Variants in DPP10 observed in about 807,000 individuals in gnomAD.
The protein encoded by DPP10 is inactive dipeptidyl peptidase 10.
Under a neutral mutation model 120.9 loss-of-function variants are expected in DPP10, and 33 were observed. The observed-to-expected ratio is 0.27, with a 90% CI of 0.21 to 0.37. DPP10 has a LOEUF of 0.37. Ranked by LOEUF, DPP10 falls within the 10% of genes least tolerant of loss-of-function variation. The pLI is 1.00. For synonymous variants in DPP10, 337 were observed against 326.1 expected (o/e 1.03, Z -0.36); for missense variants, 816 against 942.8 (o/e 0.87, Z 1.76).
intron 1 of DPP10, among the ~76,000 whole-genome samples, chr2:114,474,489 G>A (rs1225739942): frequency 6.6e-6 from 1 of 152,126 alleles, no homozygotes. Flanking sequence ...GGATATGTTG[G>A]TGTATACCTA....
intron 1 of DPP10, among the ~76,000 whole-genome samples, chr2:114,887,044 A>G (rs1340620743): frequency 6.6e-6 from 1 of 152,044 alleles, no homozygotes; most frequent in Non-Finnish European, 1.5e-5. Context: ...AACTCTCTCC[A>G]TCTAATTTTG....
intron 1 of DPP10, among the ~76,000 whole-genome samples, chr2:115,192,502 A>G (rs1573959457): frequency 1.3e-5 from 2 of 152,226 alleles, no homozygotes; most frequent in South Asian, 4.1e-4. Context: ...CAGTTGGAAC[A>G]AGATTTACCT....
intron 1 of DPP10, among the ~76,000 whole-genome samples, chr2:114,507,819 GAATTA>G (rs1174767261): frequency 1.3e-5 from 2 of 152,074 alleles, no homozygotes; most frequent in Admixed American, 6.5e-5. Context: ...GTTGCTATAA[GAATTA>G]AATTCAATAA....
intron 19 of DPP10, among the ~76,000 whole-genome samples, chr2:115,794,192 A>T (rs6747648): frequency 0.014 from 2,084 of 152,248 alleles, 51 homozygotes; most frequent in African/African-American, 0.045. Context: ...ACTTTATTGC[A>T]ATTTTGTGCC....
chr2:115,496,819 G>T (rs1312758249), intron 3 of DPP10, among the ~76,000 whole-genome samples: 1 of 152,122 alleles, frequency 6.6e-6, no homozygotes, highest in African/African-American at 2.4e-5. Context: ...CCATGTGGGA[G>T]AACTGGAGTT....
At chr2:115,165,033 T>A (rs1447554848) in intron 1 of DPP10, among the ~76,000 whole-genome samples, 1 of 152,262 alleles carries the variant, frequency 6.6e-6, no homozygotes, top group Non-Finnish European at 1.5e-5. Flanking sequence ...ACAAATGCCT[T>A]GACATGACTA....
intron 1 of DPP10, among the ~76,000 whole-genome samples, chr2:114,517,691 A>T (rs1318254133): frequency 6.6e-6 from 1 of 152,236 alleles, no homozygotes; most frequent in African/African-American, 2.4e-5. Flanking sequence ...GCTATTTTTA[A>T]TCTGCAAATT....
chr2:115,519,290 G>A (rs1334605940), intron 4 of DPP10, among the ~76,000 whole-genome samples: 1 of 152,050 alleles, frequency 6.6e-6, no homozygotes, highest in Non-Finnish European at 1.5e-5. Flanking sequence ...AAATATATGT[G>A]TGTCAGTCTA....
In DPP10 at chr2:115,820,431, C is replaced by CT. The variant is rs981405979; in HGVS notation, c.1950+4714dup. ...TTGTTTAGTGAATTGATTTTTTTTTCTTTTTTTTTTTTATTTCAACAGAGG... is the reference window on the plus strand; with the variant it reads ...TTGTTTAGTGAATTGATTTTTTTTTCTTTTTTTTTTTTTATTTCAACAGAGG... On this transcript the variant is annotated intron_variant, in intron 21 of 25. Transcript: ENST00000410059. 9.6e-4 allele frequency among the ~76,000 whole-genome samples: 133 copies of CT among 138,636 alleles called. 3 individuals carry two copies. In the East Asian group the frequency reaches 0.011, roughly 11 times the overall value. 91.0% of individuals were successfully genotyped at this position (138,636 alleles called of 152,430 possible).
At chr2:114,989,349 G>A (rs1373147473) in intron 1 of DPP10, among the ~76,000 whole-genome samples, 1 of 152,092 alleles carries the variant, frequency 6.6e-6, no homozygotes, top group Non-Finnish European at 1.5e-5. Context: ...GATCACATAA[G>A]ACCTGGACCT....
chr2:114,888,143 A>C (rs1380506672), intron 1 of DPP10, among the ~76,000 whole-genome samples: 1 of 108,780 alleles, frequency 9.2e-6, no homozygotes, highest in African/African-American at 4.0e-5. Flanking sequence ...CCTCCGTCTC[A>C]AAAAAAAAAA....
chr2:115,336,409 C>G (rs2063132528), intron 2 of DPP10, among the ~76,000 whole-genome samples: 1 of 151,974 alleles, frequency 6.6e-6, no homozygotes, highest in African/African-American at 2.4e-5. Context: ...TTCCAGGTCT[C>G]TAAATACTTG....
At chr2:114,861,920 A>G (rs997236442) in intron 1 of DPP10, among the ~76,000 whole-genome samples, 1 of 152,218 alleles carries the variant, frequency 6.6e-6, no homozygotes, top group East Asian at 1.9e-4. Context: ...AAACCCCGAG[A>G]AAAGAGAGAT....
At chr2:114,525,554 T>C (rs1051345733) in intron 1 of DPP10, among the ~76,000 whole-genome samples, 1 of 152,212 alleles carries the variant, frequency 6.6e-6, no homozygotes, top group Non-Finnish European at 1.5e-5. Context: ...ATCTCCATTT[T>C]ACAGATGAGG....
intron 1 of DPP10, among the ~76,000 whole-genome samples, chr2:115,234,144 T>C (rs1352810459): frequency 6.6e-6 from 1 of 152,162 alleles, no homozygotes. Context: ...TTATATTTTT[T>C]CTGCAGCCCA....
chr2:115,252,261 G>A (rs575989100), intron 1 of DPP10, among the ~76,000 whole-genome samples: 1 of 151,832 alleles, frequency 6.6e-6, no homozygotes, highest in Non-Finnish European at 1.5e-5. Flanking sequence ...CATAAAATTT[G>A]GGCACACTGG....
intron 1 of DPP10, among the ~76,000 whole-genome samples, chr2:115,193,470 G>A (rs1353354735): frequency 1.3e-5 from 2 of 152,194 alleles, no homozygotes; most frequent in East Asian, 1.9e-4. Flanking sequence ...GTAAGTTTGG[G>A]ATTTTAATTA....
intron 5 of DPP10, among the ~76,000 whole-genome samples, chr2:115,616,544 A>C (rs780511870): frequency 8.6e-5 from 13 of 151,662 alleles, no homozygotes; most frequent in Non-Finnish European, 1.5e-5. Context: ...TTAGTTATTC[A>C]TCTACAGAAG....
At chr2:115,380,784 A>C (rs1469443915) in intron 3 of DPP10, among the ~76,000 whole-genome samples, 1 of 152,042 alleles carries the variant, frequency 6.6e-6, no homozygotes, top group African/African-American at 2.4e-5. Context: ...CTTGTCCGCA[A>C]AGTATTTTAT....
Sources: gnomAD v4.1 joint callset for allele counts (sites outside exome capture counted in the v4.1 genomes callset) on GRCh38, gnomAD v4.1.1 for gene constraint, MANE v1.5 for transcripts, NCBI Gene and HGNC (gene_info 2026-07-23, HGNC 2026-07-21) for gene names.